The following TEAD3 variants were observed in gnomAD, a reference collection of about 807,000 sequenced individuals.
TEAD3 encodes TEA domain transcription factor 3.
In TEAD3, 15 loss-of-function variants were observed where a neutral mutation model predicts 55.6. The ratio of observed to expected loss-of-function variants is 0.27; its 90% CI spans 0.18 to 0.42. The LOEUF (loss-of-function observed/expected upper bound fraction) is 0.42, where lower values mean the gene tolerates loss of function less well. Among genes scored for constraint, TEAD3 ranks in the 10% least tolerant of loss-of-function variants. The pLI is 1.00. For synonymous variants in TEAD3, 210 were observed against 232.2 expected, an observed-to-expected ratio of 0.90 and a Z score of 0.87; for missense variants, 407 against 576.8, an observed-to-expected ratio of 0.71 and a Z score of 3.01.
At chr6:35,480,027 G>C in intron 4 of TEAD3, 1 of 1,469,414 alleles carries the variant, frequency 6.8e-7, no homozygotes, top group Non-Finnish European at 9.1e-7. Flanking sequence ...GAGGGTGCTG[G>C]GCAGGCCAGG....
chr6:35,481,971 T>C (rs760991593), intron 3 of TEAD3, among the ~76,000 whole-genome samples: 14 of 152,240 alleles, frequency 9.2e-5, no homozygotes, highest in Middle Eastern at 3.2e-3. Context: ...TAAAACTGCA[T>C]TTCTTTGCCA....
In TEAD3 at chr6:35,475,950, G is replaced by A. The variant is rs1768137185; in HGVS notation, c.869C>T (p.Pro290Leu). The A allele has an allele frequency of 6.5e-7, 1 of 1,547,058 alleles. No homozygotes were observed. Among genetic ancestry groups the A allele is most frequent in the Admixed American group, 2.1e-5 (1 of 48,328 alleles). The change falls in exon 10 of 13, where the codon CCC becomes CTC. Residue 290 changes from proline to leucine, a missense_variant. Coordinates refer to ENST00000639578, the Ensembl canonical transcript of TEAD3. The surrounding 1 kb of genome is among the most constrained non-coding windows in gnomAD (Gnocchi z 5.4). ...CTTGACAAGGAAGAAGGCATTAGGG[G>A]GCCCCTTCTCATAGAGCTCCTTCAA...
intron 1 of TEAD3, among the ~76,000 whole-genome samples, chr6:35,490,241 G>A (rs914126824): frequency 6.6e-6 from 1 of 152,206 alleles, no homozygotes; most frequent in Admixed American, 6.5e-5. Flanking sequence ...CGGGAGCACT[G>A]TGGCCAAATA....
intron 1 of TEAD3, among the ~76,000 whole-genome samples, chr6:35,493,796 G>A (rs1768584714): frequency 6.6e-6 from 1 of 152,224 alleles, no homozygotes; most frequent in Admixed American, 6.5e-5. Flanking sequence ...CATACACACA[G>A]CATCGTGCGA....
rs1768527276 is a variant in TEAD3, at chr6:35,491,889, G to C, written c.-50+5009C>G. On this transcript the variant is annotated intron_variant, in intron 1 of 12. Coordinates refer to ENST00000639578, the Ensembl canonical transcript of TEAD3. This position sits in a 1 kb window ranked among gnomAD's most constrained non-coding sequence, Gnocchi z 4.4. ...CTGGACAGCTCCAGGGATCAGGCTG[G>C]AGCTGGGGCCGCTGCAGAGGCCCTG... Among the ~76,000 whole-genome samples, 1 of 152,196 alleles carries C rather than the reference G, an allele frequency of 6.6e-6. No homozygotes were observed. Among genetic ancestry groups the C allele is most frequent in the South Asian group, 2.1e-4 (1 of 4,838 alleles).
intron 5 of TEAD3, 35 bp downstream of exon 5, chr6:35,479,269 TC>T (rs1561804360): frequency 6.2e-7 from 1 of 1,612,036 alleles, no homozygotes. Flanking sequence ...TAAGACCCTT[TC>T]CCCCACTCCC....
At chr6:35,494,951 T>C (rs1291278421) in intron 1 of TEAD3, among the ~76,000 whole-genome samples, 1 of 151,626 alleles carries the variant, frequency 6.6e-6, no homozygotes, top group Non-Finnish European at 1.5e-5. Flanking sequence ...GCCTTCTTCT[T>C]TGGGCCACTG....
chr6:35,476,391 G>C, exon 9 of TEAD3: 1 of 1,613,152 alleles, frequency 6.2e-7, no homozygotes, highest in Non-Finnish European at 8.5e-7. Flanking sequence ...TGCCACACAG[G>C]CACAGAGGCA....
At chr6:35,476,157 G>T in intron 9 of TEAD3, 65 bp from the exon 10 acceptor site, 1 of 1,528,196 alleles carries the variant, frequency 6.5e-7, no homozygotes, top group Non-Finnish European at 8.8e-7. Context: ...GGCGGGGAAG[G>T]GAGCACTGCA....
intron 5 of TEAD3, 118 bp downstream of exon 5, chr6:35,479,187 T>G: frequency 7.1e-7 from 1 of 1,399,916 alleles, no homozygotes; most frequent in Non-Finnish European, 9.9e-7. Flanking sequence ...CATTTCGTTT[T>G]TTTAAAATGA....
rs999010576 is a variant in TEAD3, at chr6:35,486,904, C to T, written c.-49-193G>A. 2.6e-5 allele frequency among the ~76,000 whole-genome samples: 4 copies of T among 152,172 alleles called. No individual in the cohort carries two copies. The highest frequency in any genetic ancestry group is 7.2e-5 in the African/African-American group (3 of 41,432). ...AGAGCTGTGTGACCTGGGATGCACG[C>T]GCTACTTCACCTCTCTAGGCCTCAG... is the stretch of plus-strand genomic sequence containing the variant. On this transcript the variant is annotated intron_variant, in intron 1 of 12. Transcript: ENST00000639578. This position sits in a 1 kb window ranked among gnomAD's most constrained non-coding sequence, Gnocchi z 7.3.
Position 35,488,736 on chromosome 6 carries a change from A to G in TEAD3, c.-49-2025T>C, listed in dbSNP as rs1768438887. 6.6e-6 allele frequency among the ~76,000 whole-genome samples: 1 copy of G among 151,362 alleles called. No individual in the cohort carries two copies. The highest frequency in any genetic ancestry group is 1.5e-5 in the Non-Finnish European group (1 of 67,810). ...TTTTTAAATTTTTTATTTGTTTTTT[A>G]TTTTTTAGACGGAGTCTTGCTCTGT... On this transcript the variant is annotated intron_variant, in intron 1 of 12. Coordinates refer to ENST00000639578, the Ensembl canonical transcript of TEAD3. The surrounding 1 kb of genome is among the most constrained non-coding windows in gnomAD (Gnocchi z 4.2).
At position 35,484,729 on chromosome 6, in the gene TEAD3, C is replaced by T; in HGVS notation, c.203-105G>A. ...CCACTCCAGGACCCTCCCCAAAACA[C>T]TGCTCTTCTGTTCCTCACTCTCTTC... On this transcript the variant is annotated intron_variant, in intron 2 of 12. Transcript: ENST00000639578. This position sits in a 1 kb window ranked among gnomAD's most constrained non-coding sequence, Gnocchi z 5.8. The T allele has an allele frequency of 1.0e-6, 1 of 961,062 alleles. No individual in the cohort carries two copies. Among genetic ancestry groups the T allele is most frequent in the Admixed American group, 2.0e-5 (1 of 49,320 alleles). The allele number at this position is 961,062 out of a possible 1,614,324, so 59.5% of individuals were successfully genotyped here.
chr6:35,482,716 A>C (rs536188565), intron 3 of TEAD3, among the ~76,000 whole-genome samples: 2 of 152,258 alleles, frequency 1.3e-5, no homozygotes, highest in East Asian at 3.9e-4. Context: ...GTTCAAGAAC[A>C]ACATGGCCAA....
At chr6:35,478,250 TG>T in intron 7 of TEAD3, 24 bp downstream of exon 7, 1 of 1,612,374 alleles carries the variant, frequency 6.2e-7, no homozygotes, top group Middle Eastern at 1.9e-4. Flanking sequence ...GAAGAGGGCG[TG>T]GGATGATGAG....
Position 35,486,360 on chromosome 6 carries a change from G to C in TEAD3, c.202+101C>G, listed in dbSNP as rs1353851326. 1 of 1,388,604 alleles carries C rather than the reference G, an allele frequency of 7.2e-7. No homozygotes were observed. The highest frequency in any genetic ancestry group is 9.7e-7 in the Non-Finnish European group (1 of 1,029,054). 86.0% of individuals were successfully genotyped at this position (1,388,604 alleles called of 1,614,324 possible). The stretch of plus-strand genomic sequence containing the variant: ...CAGGCTTGCGCGCCCAGACTCGCCC[G>C]GCCAGCGGCTGGCGGCCTCCGACGT... On this transcript the variant is annotated intron_variant, in intron 2 of 12. Coordinates refer to ENST00000639578, the Ensembl canonical transcript of TEAD3. This position sits in a 1 kb window ranked among gnomAD's most constrained non-coding sequence, Gnocchi z 7.3.
chr6:35,480,260 G>A (rs1350242840), intron 3 of TEAD3, 52 bp downstream of exon 4: 34 of 1,599,548 alleles, frequency 2.1e-5, no homozygotes, highest in Middle Eastern at 1.7e-4. Flanking sequence ...AGATAGCGCC[G>A]TGGGTGAGGG....
At chr6:35,478,717 C>T (rs1581722811) in intron 5 of TEAD3, 146 bp from the exon 6 acceptor site, 2 of 1,122,784 alleles carry the variant, frequency 1.8e-6, no homozygotes, top group South Asian at 3.3e-5. Context: ...AGCCCCAGCT[C>T]TGCTGTGTGA....
At chr6:35,479,924 C>T (rs1354949277) in intron 4 of TEAD3, 7 of 689,186 alleles carry the variant, frequency 1.0e-5, no homozygotes, top group Non-Finnish European at 1.5e-5. Context: ...CTTCCTGCTG[C>T]CACTTGTGTT....
Sources: allele counts gnomAD v4.1 joint callset (sites outside exome capture counted in the v4.1 genomes callset), GRCh38; gene constraint gnomAD v4.1.1; non-coding constraint Gnocchi (gnomAD v3.1); transcripts MANE v1.5; gene names NCBI Gene and HGNC (gene_info 2026-07-23, HGNC 2026-07-21).